ANKRD31: variants seen among roughly 807,000 people sequenced by gnomAD.
ANKRD31 encodes the protein ankyrin repeat domain-containing protein 31.
In ANKRD31, 147 loss-of-function variants were observed where a neutral mutation model predicts 186.0. That is an observed-to-expected ratio of 0.79 (90% CI 0.69 to 0.91). ANKRD31 has a LOEUF of 0.91. Among genes scored for constraint, ANKRD31 ranks in the 40% least tolerant of loss-of-function variants. ANKRD31 has a pLI of 0.00. For synonymous variants in ANKRD31, 673 were observed against 736.4 expected, an observed-to-expected ratio of 0.91 and a Z score of 1.39; for missense variants, 1,986 against 2,148.8, an observed-to-expected ratio of 0.92 and a Z score of 1.50.
chr5:75,177,890 C>T (rs1409040859), intron 10 of ANKRD31, among the ~76,000 whole-genome samples: 1 of 152,078 alleles, frequency 6.6e-6, no homozygotes, highest in Non-Finnish European at 1.5e-5. Context: ...ACAATATTAA[C>T]CTTAAATGTA....
chr5:75,123,319 T>A (rs1277498179), intron 17 of ANKRD31, among the ~76,000 whole-genome samples: 4 of 152,064 alleles, frequency 2.6e-5, no homozygotes, highest in African/African-American at 9.7e-5. Context: ...AAACACTTCA[T>A]GTTCATGAAT....
intron 3 of ANKRD31, among the ~76,000 whole-genome samples, chr5:75,218,717 C>A (rs981663102): frequency 6.6e-6 from 1 of 152,198 alleles, no homozygotes; most frequent in East Asian, 1.9e-4. Flanking sequence ...TACTAACAAA[C>A]CAAATGTGAA....
chr5:75,071,081 C>G (rs937135935), intron 25 of ANKRD31, among the ~76,000 whole-genome samples: 2 of 152,004 alleles, frequency 1.3e-5, no homozygotes, highest in African/African-American at 4.8e-5. Flanking sequence ...GTAAATGTTT[C>G]CTTAAATCTA....
At chr5:75,107,463 A>G in intron 21 of ANKRD31, 58 bp downstream of exon 21, 1 of 1,223,798 alleles carries the variant, frequency 8.2e-7, no homozygotes, top group Non-Finnish European at 1.1e-6. Flanking sequence ...TATTGCAGCT[A>G]AAAATGGATA....
chr5:75,141,097 C>T (rs1751014845), intron 15 of ANKRD31, among the ~76,000 whole-genome samples: 1 of 152,168 alleles, frequency 6.6e-6, no homozygotes, highest in African/African-American at 2.4e-5. Flanking sequence ...AGAATCACTG[C>T]ATTAAACTTT....
At chr5:75,124,238 T>C (rs1286996895) in intron 17 of ANKRD31, among the ~76,000 whole-genome samples, 1 of 152,130 alleles carries the variant, frequency 6.6e-6, no homozygotes, top group Non-Finnish European at 1.5e-5. Context: ...TGAAATACCA[T>C]CTTATGCCAA....
At chr5:75,103,348 A>G (rs1747064870) in intron 22 of ANKRD31, among the ~76,000 whole-genome samples, 1 of 152,208 alleles carries the variant, frequency 6.6e-6, no homozygotes, top group Non-Finnish European at 1.5e-5. Flanking sequence ...GTCAAGAAAC[A>G]ACTGATGCTG....
chr5:75,228,108 T>G (rs943557065), intron 2 of ANKRD31, among the ~76,000 whole-genome samples: 7 of 152,206 alleles, frequency 4.6e-5, no homozygotes, highest in African/African-American at 1.7e-4. Context: ...CATATTGCAT[T>G]CTTTTGTTTT....
At chr5:75,110,488 G>A (rs1272560758) in intron 20 of ANKRD31, among the ~76,000 whole-genome samples, 2 of 151,870 alleles carry the variant, frequency 1.3e-5, no homozygotes, top group Non-Finnish European at 2.9e-5. Context: ...GAGGTGGGCC[G>A]ATTACAAGGT....
chr5:75,071,076 T>A (rs191916807), intron 25 of ANKRD31, among the ~76,000 whole-genome samples: 1 of 152,264 alleles, frequency 6.6e-6, no homozygotes, highest in Admixed American at 6.5e-5. Flanking sequence ...GGAGCGTAAA[T>A]GTTTCCTTAA....
In ANKRD31 at chr5:75,138,779, G is replaced by A. The variant is rs189300030; in HGVS notation, c.3733+67C>T. ...GCCAGGAACAAATTGGAGGGGGCAG[G>A]AGGTGTTGAAATGTGTATTTCAGTG... On this transcript the variant is annotated intron_variant, in intron 16 of 25. Transcript: ENST00000506364. 173 of 1,469,466 alleles carry A rather than the reference G, an allele frequency of 1.2e-4. 1 individual carries two copies. The East Asian group carries it at 4.2e-3, about 35-fold the overall frequency. 91.0% of individuals were successfully genotyped at this position (1,469,466 alleles called of 1,614,324 possible). A position where few individuals can be genotyped will look rare whatever the true frequency, so the allele number is the denominator to read the frequency against.
At chr5:75,105,828 GCAT>G (rs1399796070) in intron 21 of ANKRD31, among the ~76,000 whole-genome samples, 1 of 152,144 alleles carries the variant, frequency 6.6e-6, no homozygotes, top group Non-Finnish European at 1.5e-5. Flanking sequence ...ACCGAGGAAA[GCAT>G]CATTCTGTGT....
chr5:75,149,427 T>C (rs905878470), intron 12 of ANKRD31, among the ~76,000 whole-genome samples: 17 of 151,916 alleles, frequency 1.1e-4, no homozygotes, highest in Non-Finnish European at 1.9e-4. Flanking sequence ...TTAATTTATT[T>C]CTTGGGGATA....
At chr5:75,175,472 G>C (rs1426967322) in intron 10 of ANKRD31, among the ~76,000 whole-genome samples, 1 of 152,062 alleles carries the variant, frequency 6.6e-6, no homozygotes, top group Non-Finnish European at 1.5e-5. Context: ...CTGAAATATT[G>C]AAAGAGGCAA....
At chr5:75,112,125 CT>C (rs1438274443) in intron 20 of ANKRD31, among the ~76,000 whole-genome samples, 1 of 151,772 alleles carries the variant, frequency 6.6e-6, no homozygotes, top group African/African-American at 2.4e-5. Flanking sequence ...TTTTTTTTCT[CT>C]GTCACCCAGG....
At chr5:75,124,494 T>C (rs1401760238) in intron 17 of ANKRD31, among the ~76,000 whole-genome samples, 8 of 152,164 alleles carry the variant, frequency 5.3e-5, no homozygotes, top group Non-Finnish European at 1.2e-4. Context: ...ATGTTCACTG[T>C]AACACTATTC....
chr5:75,219,296 G>C (rs1217864992), intron 3 of ANKRD31, among the ~76,000 whole-genome samples: 1 of 152,112 alleles, frequency 6.6e-6, no homozygotes, highest in Non-Finnish European at 1.5e-5. Context: ...CAAAGTTTCA[G>C]AACACAAAAT....
rs1165919547 is a variant in ANKRD31, at chr5:75,148,594, C to T, written c.1887G>A (p.Glu629=). 5 of 1,525,226 alleles carry T rather than the reference C, an allele frequency of 3.3e-6. No individual in the cohort carries two copies. The highest frequency in any genetic ancestry group is 3.5e-6 in the Non-Finnish European group (4 of 1,140,242). 94.5% of individuals were successfully genotyped at this position (1,525,226 alleles called of 1,614,324 possible). A position where few individuals can be genotyped will look rare whatever the true frequency, so the allele number is the denominator to read the frequency against. The change falls in exon 13 of 26, where the codon GAG becomes GAA. Residue 629 remains glutamate, a synonymous_variant. Transcript: ENST00000506364. ...GATATACCTTGTGTTGGTACACATCCTCTATGTCTAGTGGGTCAATGCTAC... is the reference window on the plus strand; with the variant it reads ...GATATACCTTGTGTTGGTACACATCTTCTATGTCTAGTGGGTCAATGCTAC... ...QRSSIDPLDI[E]DVYQHKKPKF...
At chr5:75,213,600 C>A (rs1756784523) in intron 3 of ANKRD31, among the ~76,000 whole-genome samples, 1 of 152,144 alleles carries the variant, frequency 6.6e-6, no homozygotes, top group Non-Finnish European at 1.5e-5. Context: ...TCATAAGAAA[C>A]ACAAATTGGC....
Sources: allele counts gnomAD v4.1 joint callset (sites outside exome capture counted in the v4.1 genomes callset), GRCh38; gene constraint gnomAD v4.1.1; transcripts MANE v1.5; gene names NCBI Gene and HGNC (gene_info 2026-07-23, HGNC 2026-07-21).